PRKCH: variants seen among roughly 807,000 people sequenced by gnomAD.
PRKCH encodes protein kinase C eta type.
In PRKCH, 28 loss-of-function variants were observed where a neutral mutation model predicts 82.5. That is an observed-to-expected ratio of 0.34 (90% CI 0.25 to 0.47). The LOEUF is 0.47. Ranked by LOEUF, PRKCH falls within the 20% of genes least tolerant of loss-of-function variation. PRKCH has a pLI of 1.00. For synonymous variants in PRKCH, 322 were observed against 327.4 expected (o/e 0.98, Z 0.18); for missense variants, 705 against 881.8 (o/e 0.80, Z 2.54).
At chr14:61,276,592 A>G (rs534225651) in intron 1 of PRKCH, among the ~76,000 whole-genome samples, 3 of 151,918 alleles carry the variant, frequency 2.0e-5, no homozygotes, top group African/African-American at 7.2e-5. Flanking sequence ...CTGACCTCAA[A>G]TGATCCATCC....
At chr14:61,483,418 C>T (rs1652277250) in intron 9 of PRKCH, among the ~76,000 whole-genome samples, 1 of 152,230 alleles carries the variant, frequency 6.6e-6, no homozygotes, top group Non-Finnish European at 1.5e-5. Context: ...TGCCTGTTGG[C>T]TTACATTGGC....
intron 1 of PRKCH, among the ~76,000 whole-genome samples, chr14:61,224,283 C>T (rs1232252926): frequency 1.3e-5 from 2 of 151,990 alleles, no homozygotes; most frequent in Admixed American, 1.3e-4. Flanking sequence ...TCTTGTATGC[C>T]CTCATCCCAT....
intron 1 of PRKCH, among the ~76,000 whole-genome samples, chr14:61,269,873 C>G (rs1385801608): frequency 6.6e-6 from 1 of 152,210 alleles, no homozygotes; most frequent in Non-Finnish European, 1.5e-5. Context: ...GGCCACAGGT[C>G]CCGTCAGGGG....
In PRKCH at chr14:61,434,370, C is replaced by A. The variant is rs1270555623; in HGVS notation, c.428-8741C>A. On this transcript the variant is annotated intron_variant, in intron 2 of 13. Transcript: ENST00000332981. ...AACATTTTTCTTCATCATCCTGAAA[C>A]CGAGCAGTGATGATCCGCTGAGGAA... 2.6e-5 allele frequency among the ~76,000 whole-genome samples: 4 copies of A among 152,114 alleles called. No individual in the cohort carries two copies. In the South Asian group the frequency reaches 8.3e-4, roughly 32 times the overall value.
intron 1 of PRKCH, among the ~76,000 whole-genome samples, chr14:61,265,457 C>T (rs746276581): frequency 3.9e-5 from 6 of 152,058 alleles, no homozygotes; most frequent in Non-Finnish European, 7.4e-5. Flanking sequence ...CTCCAGCCTG[C>T]GTGACAGAGC....
At chr14:61,497,518 T>C (rs1185574826) in intron 10 of PRKCH, among the ~76,000 whole-genome samples, 1 of 152,142 alleles carries the variant, frequency 6.6e-6, no homozygotes. Context: ...CCCTCATAGA[T>C]CTTAAGTGCA....
At chr14:61,495,716 C>T (rs1886640702) in intron 10 of PRKCH, among the ~76,000 whole-genome samples, 1 of 152,160 alleles carries the variant, frequency 6.6e-6, no homozygotes, top group Non-Finnish European at 1.5e-5. Context: ...CCAGACGCTA[C>T]TGTGAGCTCT....
chr14:61,464,954 G>A (rs922841615), intron 9 of PRKCH, among the ~76,000 whole-genome samples: 1 of 152,160 alleles, frequency 6.6e-6, no homozygotes, highest in Admixed American at 6.5e-5. Context: ...GATCCTTGAG[G>A]AGTCGCCACA....
Position 61,280,632 on chromosome 14 carries a change from G to A in PRKCH, c.-19+92964G>A, listed in dbSNP as rs1160084994. Reference sequence around the variant, plus strand: ...GGCGCTGGTGCCAAAGCGAGAAGGAGTCGTTGAAGAGGCTGTTGGCGATGG... The same window carrying A: ...GGCGCTGGTGCCAAAGCGAGAAGGAATCGTTGAAGAGGCTGTTGGCGATGG... On this transcript the variant is annotated intron_variant, in intron 1 of 3. Transcript: ENST00000555185. The surrounding 1 kb of genome is among the most constrained non-coding windows in gnomAD (Gnocchi z 5.0). 8 of 1,576,290 alleles carry A rather than the reference G, an allele frequency of 5.1e-6. No individual in the cohort carries two copies. The highest frequency in any genetic ancestry group is 3.4e-5 in the South Asian group (3 of 87,356).
intron 1 of PRKCH, among the ~76,000 whole-genome samples, chr14:61,211,759 T>A (rs2044582920): frequency 1.3e-5 from 2 of 152,098 alleles, no homozygotes; most frequent in African/African-American, 4.8e-5. Context: ...GCATTTAATA[T>A]CCCTCCACAC....
In PRKCH at chr14:61,280,491, G is replaced by A. The variant is rs370018587; in HGVS notation, c.-19+92823G>A. 2.5e-6 allele frequency: 4 copies of A among 1,613,040 alleles called. No homozygotes were observed. In the African/African-American group the frequency reaches 4.0e-5, roughly 16 times the overall value. ...TGGGCGGGGGCGCCGTGCCCTGGAA[G>A]GCCAACGCCAGGCTGCCGTTGACCA... is the stretch of plus-strand genomic sequence containing the variant. On this transcript the variant is annotated intron_variant, in intron 1 of 3. Transcript: ENST00000555185. This position sits in a 1 kb window ranked among gnomAD's most constrained non-coding sequence, Gnocchi z 5.0.
intron 2 of PRKCH, among the ~76,000 whole-genome samples, chr14:61,407,616 G>C (rs1437186006): frequency 6.6e-6 from 1 of 152,130 alleles, no homozygotes; most frequent in Non-Finnish European, 1.5e-5. Context: ...AAATGTGTCT[G>C]GGAGCTGTCA....
intron 2 of PRKCH, among the ~76,000 whole-genome samples, chr14:61,421,354 A>T (rs972662432): frequency 2.6e-5 from 4 of 152,152 alleles, no homozygotes; most frequent in African/African-American, 9.7e-5. Context: ...TCCTACATGT[A>T]TACATAACTT....
upstream of PRKCH, among the ~76,000 whole-genome samples, chr14:61,318,795 A>G (rs911203080): frequency 1.3e-5 from 2 of 151,950 alleles, no homozygotes; most frequent in African/African-American, 4.8e-5. Context: ...CGAGAGAGAT[A>G]TTTTATTTTA....
chr14:61,317,925 C>G (rs1026386761), upstream of PRKCH, among the ~76,000 whole-genome samples: 1 of 152,134 alleles, frequency 6.6e-6, no homozygotes, highest in African/African-American at 2.4e-5. Context: ...GACTGCCCCT[C>G]CGAGTGTCAC....
intron 2 of PRKCH, among the ~76,000 whole-genome samples, chr14:61,423,096 G>C (rs988083722): frequency 6.6e-6 from 1 of 152,156 alleles, no homozygotes; most frequent in Non-Finnish European, 1.5e-5. Context: ...AGGTGATTCC[G>C]AGGCAAGGCC....
intron 9 of PRKCH, among the ~76,000 whole-genome samples, chr14:61,461,271 C>G (rs376468956): frequency 3.3e-5 from 5 of 152,318 alleles, no homozygotes; most frequent in African/African-American, 1.2e-4. Flanking sequence ...TGGCTGGGCA[C>G]TTTGCCAACG....
intron 1 of PRKCH, chr14:61,281,162 G>T: frequency 7.6e-7 from 1 of 1,313,108 alleles, no homozygotes; most frequent in Non-Finnish European, 9.7e-7. Flanking sequence ...GCCGCGCGGG[G>T]ACCGACGCGC....
chr14:61,385,646 G>A (rs377684973), intron 1 of PRKCH, among the ~76,000 whole-genome samples: 12 of 152,266 alleles, frequency 7.9e-5, no homozygotes, highest in African/African-American at 2.6e-4. Context: ...CCCTTTAATG[G>A]GGGTGTGAAG....
Sources: gnomAD v4.1 joint callset for allele counts (sites outside exome capture counted in the v4.1 genomes callset) on GRCh38, gnomAD v4.1.1 for gene constraint, Gnocchi (gnomAD v3.1) non-coding constraint, MANE v1.5 for transcripts, NCBI Gene and HGNC (gene_info 2026-07-23, HGNC 2026-07-21) for gene names.